The following UMAD1 variants were observed in gnomAD, a reference collection of about 807,000 sequenced individuals.
The protein encoded by UMAD1 is UBAP1-MVB12-associated (UMA) domain containing 1, also known as UBAP1-MVB12-associated (UMA)-domain containing protein 1.
In UMAD1, 8 loss-of-function variants were observed where a neutral mutation model predicts 6.1. That is an observed-to-expected ratio of 1.30 (90% CI 0.76 to 2.35). The LOEUF is 2.35. Ranked by LOEUF, UMAD1 falls within the 30% of genes most tolerant of loss-of-function variation. UMAD1 has a pLI of 0.00. For missense variants in UMAD1, 130 were observed against 78.4 expected (o/e 1.66, Z -2.49); for synonymous variants, 56 against 31.4 (o/e 1.78, Z -2.61).
intron 2 of UMAD1, among the ~76,000 whole-genome samples, chr7:7,714,943 AAACAACAAC>A (rs920648661): frequency 7.9e-5 from 12 of 151,418 alleles, no homozygotes; most frequent in African/African-American, 2.7e-4. Flanking sequence ...CACTAGAATT[AAACAACAAC>A]AACAACAACA....
At chr7:7,686,248 GTAT>G (rs1375794054) in intron 2 of UMAD1, among the ~76,000 whole-genome samples, 1 of 152,174 alleles carries the variant, frequency 6.6e-6, no homozygotes, top group Non-Finnish European at 1.5e-5. Context: ...GGCAGGGCCA[GTAT>G]TCTTGGCTGA....
chr7:7,719,642 GT>G (rs200626812), intron 2 of UMAD1, among the ~76,000 whole-genome samples: 12,297 of 122,100 alleles, frequency 0.1, 575 homozygotes, highest in Non-Finnish European at 0.11. Flanking sequence ...GAAAGTAGTA[GT>G]TTTTTTTTTC....
chr7:7,835,387 CTTT>C (rs774795829), intron 3 of UMAD1, among the ~76,000 whole-genome samples: 2 of 56,090 alleles, frequency 3.6e-5, no homozygotes, highest in Admixed American at 1.7e-4. Context: ...CTTCTGCTTT[CTTT>C]TTTTTTTTTT....
intron 2 of UMAD1, among the ~76,000 whole-genome samples, chr7:7,780,026 C>T (rs1034138224): frequency 6.6e-6 from 1 of 152,222 alleles, no homozygotes; most frequent in African/African-American, 2.4e-5. Context: ...CTTGCTGGTC[C>T]CTTTTCTGAG....
chr7:7,729,047 C>T (rs1448124393), intron 2 of UMAD1, among the ~76,000 whole-genome samples: 1 of 152,144 alleles, frequency 6.6e-6, no homozygotes, highest in Non-Finnish European at 1.5e-5. Flanking sequence ...TTGAGTAAGG[C>T]TTCCATAAGT....
intron 3 of UMAD1, among the ~76,000 whole-genome samples, chr7:7,818,037 A>C (rs1783166635): frequency 6.6e-6 from 1 of 152,206 alleles, no homozygotes; most frequent in Non-Finnish European, 1.5e-5. Flanking sequence ...CAGGTTTGTT[A>C]CATAGGTAAA....
intron 3 of UMAD1, among the ~76,000 whole-genome samples, chr7:7,832,031 C>T (rs892841219): frequency 3.9e-5 from 6 of 152,266 alleles, no homozygotes; most frequent in Middle Eastern, 3.4e-3. Flanking sequence ...CCTGGTAAAA[C>T]TTCTTTTGAA....
chr7:7,704,894 G>A (rs984566325), intron 2 of UMAD1, among the ~76,000 whole-genome samples: 1 of 149,610 alleles, frequency 6.7e-6, no homozygotes, highest in South Asian at 2.2e-4. Context: ...TTTGGGTAAA[G>A]TAAAATAGGC....
intron 3 of UMAD1, among the ~76,000 whole-genome samples, chr7:7,818,964 C>G (rs1783185498): frequency 6.6e-6 from 1 of 152,180 alleles, no homozygotes; most frequent in South Asian, 2.1e-4. Context: ...ATTCTCCTGC[C>G]TCAGCCTCCC....
chr7:7,777,840 G>T (rs1782251205), intron 2 of UMAD1, among the ~76,000 whole-genome samples: 1 of 152,058 alleles, frequency 6.6e-6, no homozygotes, highest in Non-Finnish European at 1.5e-5. Context: ...AAATACCCAT[G>T]TACACAGGGC....
intron 2 of UMAD1, among the ~76,000 whole-genome samples, chr7:7,677,672 T>C (rs13247645): frequency 9.9e-6 from 1 of 101,104 alleles, no homozygotes; most frequent in East Asian, 2.1e-4. Flanking sequence ...TTGTTTTTTT[T>C]TTTTTTTTTT....
intron 3 of UMAD1, among the ~76,000 whole-genome samples, chr7:7,822,673 A>G (rs1783262872): frequency 6.6e-6 from 1 of 152,140 alleles, no homozygotes; most frequent in South Asian, 2.1e-4. Context: ...TGCATCAGAA[A>G]TAGCCATAAC....
chr7:7,714,631 G>C (rs774174131), intron 2 of UMAD1, among the ~76,000 whole-genome samples: 4 of 152,064 alleles, frequency 2.6e-5, no homozygotes, highest in Non-Finnish European at 5.9e-5. Context: ...AACAGTTGGA[G>C]GTTGTGTACA....
intron 2 of UMAD1, among the ~76,000 whole-genome samples, chr7:7,747,907 C>G (rs530491007): frequency 6.6e-6 from 1 of 151,978 alleles, no homozygotes; most frequent in South Asian, 2.1e-4. Flanking sequence ...CATTTCTGAG[C>G]CAAAAAAGTA....
chr7:7,785,231 G>A (rs1782438600), intron 2 of UMAD1, among the ~76,000 whole-genome samples: 2 of 152,162 alleles, frequency 1.3e-5, no homozygotes, highest in South Asian at 4.1e-4. Context: ...TGGGAGAAAT[G>A]CAGTAAGACT....
At chr7:7,869,478 A>G (rs1483400898) in intron 3 of UMAD1, among the ~76,000 whole-genome samples, 1 of 152,186 alleles carries the variant, frequency 6.6e-6, no homozygotes, top group Non-Finnish European at 1.5e-5. Flanking sequence ...GTGTTGGAAG[A>G]GTGTTTTATA....
At chr7:7,743,691 TG>T (rs77099942) in intron 2 of UMAD1, among the ~76,000 whole-genome samples, 14 of 36,054 alleles carry the variant, frequency 3.9e-4, no homozygotes, top group African/African-American at 2.5e-3. Context: ...TATGTGTATA[TG>T]TATATGTATA....
chr7:7,683,631 C>T (rs7799960), intron 2 of UMAD1, among the ~76,000 whole-genome samples: 93,645 of 150,032 alleles, frequency 0.62, 29,347 homozygotes, highest in East Asian at 0.86. Context: ...TTTTCCTTTT[C>T]TTTTTTTTAG....
chr7:7,667,711 G>A (rs984145894), intron 1 of UMAD1, among the ~76,000 whole-genome samples: 1 of 152,170 alleles, frequency 6.6e-6, no homozygotes, highest in South Asian at 2.1e-4. Flanking sequence ...GACAAAGACA[G>A]AAATGGAATT....
Sources: gnomAD v4.1 joint callset for allele counts (sites outside exome capture counted in the v4.1 genomes callset) on GRCh38, gnomAD v4.1.1 for gene constraint, MANE v1.5 for transcripts, NCBI Gene and HGNC (gene_info 2026-07-23, HGNC 2026-07-21) for gene names.